FSTL4: variants seen among roughly 807,000 people sequenced by gnomAD.
FSTL4 encodes follistatin like 4, also known as follistatin-related protein 4.
In FSTL4, 28 loss-of-function variants were observed where a neutral mutation model predicts 78.2. The ratio of observed to expected loss-of-function variants is 0.36; its 90% confidence interval spans 0.27 to 0.49. FSTL4 has a LOEUF of 0.49. Ranked by LOEUF, FSTL4 falls within the 20% of genes least tolerant of loss-of-function variation. The probability of loss-of-function intolerance (pLI) is 0.98; values close to 1 mark genes in which losing one functional copy is unlikely to be tolerated. For missense variants in FSTL4, 922 were observed against 1,084.9 expected (o/e 0.85, Z 2.11); for synonymous variants, 422 against 440.5 (o/e 0.96, Z 0.53).
chr5:133,343,238 G>A (rs79728487), intron 4 of FSTL4, among the ~76,000 whole-genome samples: 2,132 of 152,316 alleles, frequency 0.014, 71 homozygotes, highest in African/African-American at 0.048. Flanking sequence ...TCCTCTGTGA[G>A]GAGGACAGAG....
At chr5:133,333,729 C>A (rs549118114) in intron 4 of FSTL4, among the ~76,000 whole-genome samples, 16 of 152,236 alleles carry the variant, frequency 1.1e-4, no homozygotes, top group Non-Finnish European at 1.9e-4. Context: ...TCACACCCAG[C>A]GAGGGCATCT....
At chr5:133,646,078 G>A in the FSTL4 span, among the ~76,000 whole-genome samples, 1 of 152,158 alleles carries the variant, frequency 6.6e-6, no homozygotes, top group Non-Finnish European at 1.5e-5. Flanking sequence ...TGCAGTCCAG[G>A]AGAGCAAACA....
intron 3 of FSTL4, among the ~76,000 whole-genome samples, chr5:133,451,740 T>TG (rs1425892390): frequency 1.3e-5 from 2 of 152,108 alleles, no homozygotes; most frequent in African/African-American, 4.8e-5. Context: ...AACTGAGGCC[T>TG]GGGGGGAGGG....
intron 4 of FSTL4, among the ~76,000 whole-genome samples, chr5:133,319,540 G>A (rs866146310): frequency 2.0e-5 from 3 of 152,184 alleles, no homozygotes; most frequent in Admixed American, 1.3e-4. Flanking sequence ...GGTGGGGCAC[G>A]TCTGGAGACT....
intron 4 of FSTL4, among the ~76,000 whole-genome samples, chr5:133,356,087 C>A (rs532702829): frequency 6.6e-6 from 1 of 152,360 alleles, no homozygotes; most frequent in African/African-American, 2.4e-5. Context: ...AAACCTCCCC[C>A]ACAGCCAAGG....
At chr5:133,692,323 G>C in the FSTL4 span, among the ~76,000 whole-genome samples, 1 of 152,320 alleles carries the variant, frequency 6.6e-6, no homozygotes, top group South Asian at 2.1e-4. Flanking sequence ...TCTTGGAGGA[G>C]GTTGGAGCCT....
chr5:133,833,351 A>AT, the FSTL4 span, among the ~76,000 whole-genome samples: 2 of 152,228 alleles, frequency 1.3e-5, no homozygotes, highest in South Asian at 2.1e-4. Context: ...TTAAGAAATG[A>AT]TTTTTTTGAA....
chr5:133,613,284 G>C (rs150860100), upstream of FSTL4, among the ~76,000 whole-genome samples: 1,080 of 152,318 alleles, frequency 7.1e-3, 11 homozygotes, highest in African/African-American at 0.021. Flanking sequence ...ATGGTCATAC[G>C]TAGCCTCAGT....
chr5:133,443,094 T>C (rs1276577718), intron 3 of FSTL4, among the ~76,000 whole-genome samples: 2 of 152,248 alleles, frequency 1.3e-5, no homozygotes, highest in Non-Finnish European at 2.9e-5. Context: ...CTGCGCATCC[T>C]CAACCTCCTT....
chr5:133,352,577 T>G (rs1482605920), intron 4 of FSTL4, among the ~76,000 whole-genome samples: 1 of 152,078 alleles, frequency 6.6e-6, no homozygotes, highest in African/African-American at 2.4e-5. Context: ...GCATAGCTAA[T>G]TTTTACAATT....
the FSTL4 span, among the ~76,000 whole-genome samples, chr5:133,724,155 G>T: frequency 6.6e-6 from 1 of 152,208 alleles, no homozygotes; most frequent in Non-Finnish European, 1.5e-5. Flanking sequence ...CTCTCTGGGG[G>T]TAACTCAGCA....
intron 8 of FSTL4, among the ~76,000 whole-genome samples, chr5:133,232,077 T>C (rs2126802034): frequency 6.6e-6 from 1 of 152,356 alleles, no homozygotes; most frequent in East Asian, 1.9e-4. Context: ...AAGGGTGTTT[T>C]TAATTTAATG....
intron 7 of FSTL4, among the ~76,000 whole-genome samples, chr5:133,242,346 C>T (rs1055099117): frequency 7.9e-5 from 12 of 152,140 alleles, no homozygotes; most frequent in Non-Finnish European, 1.3e-4. Context: ...ACCAATCGGC[C>T]TCCTTCATTG....
intron 3 of FSTL4, among the ~76,000 whole-genome samples, chr5:133,450,773 C>T (rs1355681491): frequency 6.6e-6 from 1 of 152,218 alleles, no homozygotes; most frequent in Non-Finnish European, 1.5e-5. Context: ...TGACTTAATG[C>T]AGAGTCTACC....
At chr5:133,619,389 G>A in the FSTL4 span, among the ~76,000 whole-genome samples, 1 of 152,148 alleles carries the variant, frequency 6.6e-6, no homozygotes, top group Non-Finnish European at 1.5e-5. Context: ...AATCAATTGA[G>A]TTGGGTTTTT....
At chr5:133,604,425 T>A (rs1161149834) in intron 1 of FSTL4, among the ~76,000 whole-genome samples, 7 of 152,068 alleles carry the variant, frequency 4.6e-5, no homozygotes. Flanking sequence ...ACTATGATTA[T>A]GGCTGGGCGC....
chr5:133,668,460 A>AGATAC, the FSTL4 span, among the ~76,000 whole-genome samples: 2 of 152,368 alleles, frequency 1.3e-5, no homozygotes, highest in East Asian at 1.9e-4. Context: ...GTACCTTCTC[A>AGATAC]GATACCATAC....
the FSTL4 span, among the ~76,000 whole-genome samples, chr5:133,744,266 C>CT: frequency 1.4e-4 from 22 of 152,228 alleles, no homozygotes; most frequent in African/African-American, 5.3e-4. Context: ...ACCGTTGAAA[C>CT]TACTGTGTTT....
At chr5:133,735,136 A>C in the FSTL4 span, among the ~76,000 whole-genome samples, 1 of 152,060 alleles carries the variant, frequency 6.6e-6, no homozygotes, top group African/African-American at 2.4e-5. Flanking sequence ...GAAGCACCTC[A>C]TGCCTGACCC....
Sources: gnomAD v4.1 joint callset for allele counts (sites outside exome capture counted in the v4.1 genomes callset) on GRCh38, gnomAD v4.1.1 for gene constraint, MANE v1.5 for transcripts, NCBI Gene and HGNC (gene_info 2026-07-23, HGNC 2026-07-21) for gene names.